The following COL6A2 variants were observed in gnomAD, a reference collection of about 807,000 sequenced individuals.
COL6A2 encodes collagen alpha-2(VI) chain.
A neutral mutation model predicts 124.9 loss-of-function variants in COL6A2; 90 were observed. The ratio of observed to expected loss-of-function variants is 0.72; its 90% confidence interval spans 0.61 to 0.86. The LOEUF (loss-of-function observed/expected upper bound fraction) is 0.86. COL6A2 is among the 40% of genes least tolerant of loss of function. COL6A2 has a pLI of 0.00. For missense variants in COL6A2, 1,607 were observed against 1,502.5 expected, an observed-to-expected ratio of 1.07 and a Z score of -1.15; for synonymous variants, 793 against 618.2, an observed-to-expected ratio of 1.28 and a Z score of -4.19.
At position 46,124,943 on chromosome 21, in the gene COL6A2, C is replaced by T. The variant is rs778259832; in HGVS notation, c.1770+23C>T. The T allele has an allele frequency of 1.9e-6, 3 of 1,612,618 alleles. No individual in the cohort carries two copies. In the Admixed American group the frequency reaches 5.0e-5, roughly 27 times the overall value. ...ACGGTAGGTGTCACATGGGGCAGAA[C>T]CAGTGTCCTTCTCCTGCCAAAACTA... On this transcript the variant is annotated intron_variant, in intron 23 of 27. Coordinates refer to ENST00000300527, the MANE Select transcript of COL6A2 (RefSeq NM_001849.4).
chr21:46,128,791 T>C, intron 27 of COL6A2: 1 of 896,728 alleles, frequency 1.1e-6, no homozygotes, highest in Admixed American at 1.7e-5. Flanking sequence ...TGAGGAAGGG[T>C]TTACCACCGC....
intron 16 of COL6A2, 61 bp from the exon 17 acceptor site, chr21:46,121,000 T>G: frequency 6.6e-7 from 1 of 1,506,684 alleles, no homozygotes; most frequent in Non-Finnish European, 9.2e-7. Flanking sequence ...GGATTGATAC[T>G]GGGGACTCCA....
At chr21:46,111,925 C>G (rs1393254187) in intron 2 of COL6A2, 54 bp from the exon 3 acceptor site, 1 of 1,560,024 alleles carries the variant, frequency 6.4e-7, no homozygotes, top group African/African-American at 1.4e-5. Flanking sequence ...GGAAACGGGG[C>G]TCCAACAGCA....
intron 16 of COL6A2, 24 bp downstream of exon 16, chr21:46,120,601 C>A: frequency 6.9e-7 from 1 of 1,450,090 alleles, no homozygotes; most frequent in Non-Finnish European, 9.1e-7. Context: ...GTGGGCCGCA[C>A]CCCAAGGTAG....
chr21:46,120,110 C>T (rs573800845), intron 15 of COL6A2, among the ~76,000 whole-genome samples: 14 of 128,134 alleles, frequency 1.1e-4, no homozygotes, highest in Middle Eastern at 6.9e-3. Context: ...TGAGGCACCA[C>T]TCACACCCCC....
rs1418668363 is a variant in COL6A2 at position 46,116,409 on chromosome 21, G to A, written c.927+6G>A. 4 of 1,612,816 alleles carry A rather than the reference G, an allele frequency of 2.5e-6. No homozygotes were observed. The highest frequency in any genetic ancestry group is 1.7e-5 in the Admixed American group (1 of 60,012). ...CTGGCTTCAAAGGAGAGAAGGTGAG[G>A]CTCTTGCCCTGACAGACCTCAGACC... On this transcript the variant is annotated splice_donor_region_variant and intron_variant, in intron 8 of 27. Coordinates refer to ENST00000300527, the MANE Select transcript of COL6A2 (RefSeq NM_001849.4). This position sits in a 1 kb window ranked among gnomAD's most constrained non-coding sequence, Gnocchi z 4.6.
chr21:46,132,273 C>T lies in COL6A2; in HGVS notation c.2781C>T (p.Ala927=), dbSNP rs776437060. ...CAGGCGTGGTGCACGCCATCAATGC[C>T]ATCGTGCGCAGCCCGCGTGGCGGGG... is the stretch of plus-strand genomic sequence containing the variant. The part of the protein sequence containing the change: ...VGAGVVHAIN[A]IVRSPRGGAR... The change falls in exon 28 of 28, where the codon GCC becomes GCT. Residue 927 remains alanine, a synonymous_variant. Transcript: ENST00000300527. The T allele has an allele frequency of 3.7e-6, 6 of 1,606,638 alleles. No homozygotes were observed. The highest frequency in any genetic ancestry group is 5.1e-6 in the Non-Finnish European group (6 of 1,178,932).
intron 1 of COL6A2, among the ~76,000 whole-genome samples, chr21:46,109,960 G>A (rs1331191352): frequency 6.6e-6 from 1 of 152,204 alleles, no homozygotes; most frequent in Non-Finnish European, 1.5e-5. Context: ...GCCACGACTT[G>A]GGCAGTTGTA....
Position 46,117,942 on chromosome 21 carries a change from T to A in COL6A2, c.1116+6T>A. The A allele has an allele frequency of 6.2e-7, 1 of 1,611,794 alleles. No individual in the cohort carries two copies. The highest frequency in any genetic ancestry group is 2.2e-5 in the East Asian group (1 of 44,802). On this transcript the variant is annotated splice_donor_region_variant and intron_variant, in intron 12 of 27. Coordinates refer to ENST00000300527, the MANE Select transcript of COL6A2 (RefSeq NM_001849.4). ...GAGGAGACCAAGGCGGCAAGGTAAG[T>A]GGCCTTGTCAGGGTACGGGGCAGGC...
At chr21:46,130,083 G>C (rs1042615410) in intron 27 of COL6A2, among the ~76,000 whole-genome samples, 3 of 152,228 alleles carry the variant, frequency 2.0e-5, no homozygotes, top group Non-Finnish European at 4.4e-5. Flanking sequence ...CCTGGTGGCA[G>C]GTGAAGGCTT....
chr21:46,129,187 C>T (rs2078721847), intron 27 of COL6A2: 8 of 1,612,862 alleles, frequency 5.0e-6, no homozygotes, highest in Middle Eastern at 1.7e-4. Flanking sequence ...TCTGGACGCT[C>T]CCTTGCAGAT....
chr21:46,116,515 C>T lies in COL6A2; in HGVS notation c.927+112C>T. 6.3e-7 allele frequency: 1 copy of T among 1,580,032 alleles called. No individual in the cohort carries two copies. Among genetic ancestry groups the T allele is most frequent in the East Asian group, 2.3e-5 (1 of 44,374 alleles). On this transcript the variant is annotated intron_variant, in intron 8 of 27. Transcript: ENST00000300527. The surrounding 1 kb of genome is among the most constrained non-coding windows in gnomAD (Gnocchi z 4.6). ...TCCTGGGGCACCGGCCTGGTCTTTT[C>T]TCAGTGGTGGCTTTGGGGGCTCCTG...
chr21:46,129,848 G>T, intron 27 of COL6A2: 1 of 1,065,804 alleles, frequency 9.4e-7, no homozygotes, highest in Non-Finnish European at 1.1e-6. Flanking sequence ...ACCCTCACAG[G>T]CTCCAGGGTT....
At chr21:46,104,210 G>T (rs894688564) in intron 1 of COL6A2, among the ~76,000 whole-genome samples, 1 of 152,112 alleles carries the variant, frequency 6.6e-6, no homozygotes, top group East Asian at 1.9e-4. Context: ...AAAAGACTTG[G>T]TGGTAGATCT....
rs762050166 is a variant in COL6A2, at chr21:46,112,049, C to A, written c.186C>A (p.Pro62=). 2.6e-5 allele frequency: 42 copies of A among 1,612,996 alleles called. No homozygotes were observed. The Admixed American group carries it at 7.0e-4, about 27-fold the overall frequency. Residue 62 remains proline, a synonymous_variant, in exon 3 of 28, where the codon CCC becomes CCA. Coordinates refer to ENST00000300527, the MANE Select transcript of COL6A2 (RefSeq NM_001849.4). ...DTSESVTMQS[P]TDILLFHMKQ... is the part of the protein sequence containing the mutation. ...CGGAGAGCGTCACCATGCAGTCCCC[C>A]ACGGACATCCTGCTCTTCCACATGA...
At position 46,132,669 on chromosome 21, in the gene COL6A2, G is replaced by A. The variant is rs1158965542; in HGVS notation, c.*117G>A. ...CTCACTCGGACGACGCCCTGGGCCT[G>A]CACCTCTCCAGCTCCTCCCACGGGG... On this transcript the variant is annotated 3_prime_UTR_variant, in exon 28 of 28. Transcript: ENST00000300527. 4.7e-6 allele frequency: 5 copies of A among 1,069,108 alleles called. No individual in the cohort carries two copies. The East Asian group carries it at 1.0e-4, about 22-fold the overall frequency. The allele number at this position is 1,069,108 out of a possible 1,614,324, so 66.2% of individuals were successfully genotyped here. A position where few individuals can be genotyped will look rare whatever the true frequency, so the allele number is the denominator to read the frequency against.
intron 21 of COL6A2, 81 bp downstream of exon 21, chr21:46,123,018 G>A: frequency 3.7e-6 from 5 of 1,350,252 alleles, no homozygotes; most frequent in South Asian, 3.5e-5. Context: ...GCATCTATGA[G>A]TACAGGAGAA....
intron 4 of COL6A2, chr21:46,113,547 A>G: frequency 5.0e-6 from 1 of 199,032 alleles, no homozygotes. Context: ...TGGTGTGCGC[A>G]TGTAGTTCCA....
chr21:46,120,512 C>A lies in COL6A2; in HGVS notation c.1333-3C>A, dbSNP rs112040818. On this transcript the variant is annotated splice_polypyrimidine_tract_variant and splice_region_variant and intron_variant, in intron 15 of 27. Coordinates refer to ENST00000300527, the MANE Select transcript of COL6A2 (RefSeq NM_001849.4). ...CCGTGGGGCCTCCCTTCCCTTCCCACAGGGGGACCCTGGCCCTGAGGGGCC... is the reference window on the plus strand; with the variant it reads ...CCGTGGGGCCTCCCTTCCCTTCCCAAAGGGGGACCCTGGCCCTGAGGGGCC... 6.6e-7 allele frequency: 1 copy of A among 1,509,880 alleles called. No individual in the cohort carries two copies. 93.5% of individuals were successfully genotyped at this position (1,509,880 alleles called of 1,614,324 possible).
Sources: allele counts gnomAD v4.1 joint callset (sites outside exome capture counted in the v4.1 genomes callset), GRCh38; gene constraint gnomAD v4.1.1; non-coding constraint Gnocchi (gnomAD v3.1); transcripts MANE v1.5; gene names NCBI Gene and HGNC (gene_info 2026-07-23, HGNC 2026-07-21).